The following GDF1 variants were observed in gnomAD, a reference collection of about 807,000 sequenced individuals.
GDF1 encodes the protein growth differentiation factor 1.
In GDF1, 8 loss-of-function variants were observed where a neutral mutation model predicts 7.4. The observed-to-expected ratio is 1.09, with a 90% CI of 0.64 to 1.96. The LOEUF is 1.96. GDF1 is among the 30% of genes most tolerant of loss of function. The pLI is 0.00. For synonymous variants in GDF1, 311 were observed against 276.7 expected, an observed-to-expected ratio of 1.12 and a Z score of -1.23; for missense variants, 574 against 551.5, an observed-to-expected ratio of 1.04 and a Z score of -0.41.
At chr19:18,889,279 T>C (rs79826566) in intron 2 of GDF1, among the ~76,000 whole-genome samples, 3,256 of 152,206 alleles carry the variant, frequency 0.021, 116 homozygotes, top group African/African-American at 0.074. Flanking sequence ...TCCAGAAACA[T>C]GTGAGCCCGA....
At chr19:18,879,132 C>A in intron 5 of GDF1, 93 bp from the exon 6 acceptor site, 13 of 1,585,894 alleles carry the variant, frequency 8.2e-6, no homozygotes, top group Non-Finnish European at 1.1e-5. Flanking sequence ...GCCCTCCACA[C>A]GGGCTGTCTG....
At chr19:18,874,296 T>G (rs2056024427) in intron 6 of GDF1, among the ~76,000 whole-genome samples, 2 of 152,026 alleles carry the variant, frequency 1.3e-5, no homozygotes, top group Admixed American at 6.6e-5. Context: ...GGTGCTGAAG[T>G]TCACAGTTTT....
intron 2 of GDF1, among the ~76,000 whole-genome samples, chr19:18,890,414 C>T (rs2056461429): frequency 6.6e-6 from 1 of 152,254 alleles, no homozygotes; most frequent in African/African-American, 2.4e-5. Context: ...TGTGTCTCAG[C>T]TGTGGCATAC....
At chr19:18,889,940 T>A (rs1315543583) in intron 2 of GDF1, among the ~76,000 whole-genome samples, 1 of 152,184 alleles carries the variant, frequency 6.6e-6, no homozygotes, top group African/African-American at 2.4e-5. Flanking sequence ...TTTCTAAAAT[T>A]GGCCACTTTG....
In GDF1 at chr19:18,884,255, C is replaced by T. The variant is rs1360456919; in HGVS notation, c.-901G>A. 5 of 1,612,296 alleles carry T rather than the reference C, an allele frequency of 3.1e-6. No homozygotes were observed. Among genetic ancestry groups the T allele is most frequent in the Middle Eastern group, 1.7e-4 (1 of 6,054 alleles). Reference sequence around the variant, plus strand: ...TGCAATGTCCCGTGGCACTGCCATGCCCGGCGTCCAGTCTGGGGAGAGCCA... The same window carrying T: ...TGCAATGTCCCGTGGCACTGCCATGTCCGGCGTCCAGTCTGGGGAGAGCCA... On this transcript the variant is annotated 5_prime_UTR_variant, in exon 3 of 8. Coordinates refer to ENST00000247005, the MANE Select transcript of GDF1 (RefSeq NM_001492.6).
chr19:18,872,949 C>T (rs554526044), intron 6 of GDF1, among the ~76,000 whole-genome samples: 3 of 152,326 alleles, frequency 2.0e-5, no homozygotes, highest in African/African-American at 7.2e-5. Context: ...CATGCCGGGC[C>T]GAGATGGCCT....
rs1260211767 is a variant in GDF1 at position 18,870,589 on chromosome 19, G to C, written c.-282C>G. 2 of 593,472 alleles carry C rather than the reference G, an allele frequency of 3.4e-6. No individual in the cohort carries two copies. Among genetic ancestry groups the C allele is most frequent in the African/African-American group, 3.9e-5 (2 of 51,090 alleles). 36.8% of individuals were successfully genotyped at this position (593,472 alleles called of 1,614,324 possible). The stretch of plus-strand genomic sequence containing the variant: ...GGGGCCGAGGGGTTCAGAAGCGCTT[G>C]TCCTTCACCAGGCCGTTCCTCAGTG... On this transcript the variant is annotated 5_prime_UTR_variant, in exon 7 of 8. Coordinates refer to ENST00000247005, the MANE Select transcript of GDF1 (RefSeq NM_001492.6). This position sits in a 1 kb window ranked among gnomAD's most constrained non-coding sequence, Gnocchi z 5.1.
chr19:18,880,135 T>A (rs973381893), intron 4 of GDF1, 139 bp downstream of exon 4: 37 of 612,694 alleles, frequency 6.0e-5, no homozygotes, highest in Non-Finnish European at 7.3e-5. Context: ...ACCCAAATCA[T>A]GAGGCCCCTC....
At chr19:18,877,960 A>T (rs945741265) in intron 6 of GDF1, 1 of 984,512 alleles carries the variant, frequency 1.0e-6, no homozygotes, top group African/African-American at 1.7e-5. Context: ...ACCCAAGGCG[A>T]ATCTGATGGG....
chr19:18,884,142 T>G lies in GDF1; in HGVS notation c.-788A>C, dbSNP rs1197537471. On this transcript the variant is annotated 5_prime_UTR_variant, in exon 3 of 8. An upstream start codon of the reference 5' UTR is lost. Coordinates refer to ENST00000247005, the MANE Select transcript of GDF1 (RefSeq NM_001492.6). ...AGAGTGACCACGTGGTGGAGCAGCA[T>G]GACCACCGAGTCCTTGCGCCAGGTG... The G allele has an allele frequency of 6.2e-7, 1 of 1,613,506 alleles. No individual in the cohort carries two copies. The highest frequency in any genetic ancestry group is 8.5e-7 in the Non-Finnish European group (1 of 1,179,810).
intron 1 of GDF1, among the ~76,000 whole-genome samples, chr19:18,894,411 G>C (rs533009066): frequency 6.6e-6 from 1 of 152,258 alleles, no homozygotes; most frequent in African/African-American, 2.4e-5. Context: ...TGGCAACCAG[G>C]CTGCTGCCAA....
chr19:18,880,281 A>G lies in GDF1; in HGVS notation c.-578T>C. 6.5e-7 allele frequency: 1 copy of G among 1,550,174 alleles called. No homozygotes were observed. Among genetic ancestry groups the G allele is most frequent in the Non-Finnish European group, 8.7e-7 (1 of 1,146,964 alleles). On this transcript the variant is annotated 5_prime_UTR_variant, in exon 4 of 8. Transcript: ENST00000247005. ...GCACTCCCTACCACTCACCAGCTGA[A>G]GCCGAAGCTGAGGCAGCCCAAGTCT...
intron 4 of GDF1, among the ~76,000 whole-genome samples, chr19:18,879,997 A>C (rs1411422526): frequency 7.0e-6 from 1 of 142,094 alleles, no homozygotes; most frequent in Non-Finnish European, 1.5e-5. Context: ...CTATCTCACC[A>C]GGCCCCTCCC....
At position 18,880,163 on chromosome 19, in the gene GDF1, CCCA is replaced by C. The variant is rs1273958590; in HGVS notation, c.-571+108_-571+110del. On this transcript the variant is annotated intron_variant, in intron 4 of 7. Coordinates refer to ENST00000247005, the MANE Select transcript of GDF1 (RefSeq NM_001492.6). ...GGCCCCTCCCCTGTCATGCCACACA[CCCA>C]CCTCACCGGGCCCCGCCTCCTTCCC... 26 of 1,131,026 alleles carry C rather than the reference CCCA, an allele frequency of 2.3e-5. No individual in the cohort carries two copies. In the Admixed American group the frequency reaches 5.7e-4, roughly 25 times the overall value. The allele number at this position is 1,131,026 out of a possible 1,614,324, so 70.1% of individuals were successfully genotyped here.
intron 3 of GDF1, among the ~76,000 whole-genome samples, chr19:18,882,809 C>A (rs564662823): frequency 9.9e-5 from 15 of 151,966 alleles, no homozygotes; most frequent in Non-Finnish European, 7.4e-5. Context: ...TCTCCTGTCT[C>A]AGCCTCCTGA....
At chr19:18,872,700 G>GT (rs368611543) in intron 6 of GDF1, among the ~76,000 whole-genome samples, 69,550 of 151,766 alleles carry the variant, frequency 0.46, 16,132 homozygotes, top group South Asian at 0.6. Flanking sequence ...ATTTTTAGTA[G>GT]AGATGCGGTT....
In GDF1 at chr19:18,895,920, C is replaced by A; in HGVS notation, c.-1170G>T. On this transcript the variant is annotated 5_prime_UTR_variant, in exon 1 of 8. Coordinates refer to ENST00000247005, the MANE Select transcript of GDF1 (RefSeq NM_001492.6). The surrounding 1 kb of genome is among the most constrained non-coding windows in gnomAD (Gnocchi z 6.4). ...GCTCGGGCGGCGCCAGGTGCGCGTGCTCAGCCAGGCCGCGACGCGCCAGCC... is the reference window on the plus strand; with the variant it reads ...GCTCGGGCGGCGCCAGGTGCGCGTGATCAGCCAGGCCGCGACGCGCCAGCC... 1 of 1,230,092 alleles carries A rather than the reference C, an allele frequency of 8.1e-7. No individual in the cohort carries two copies. 76.2% of individuals were successfully genotyped at this position (1,230,092 alleles called of 1,614,324 possible).
Position 18,870,208 on chromosome 19 carries a change from C to G in GDF1, c.100G>C (p.Gly34Arg). 6.4e-7 allele frequency: 1 copy of G among 1,558,954 alleles called. No homozygotes were observed. The highest frequency in any genetic ancestry group is 8.6e-7 in the Non-Finnish European group (1 of 1,158,624). ...LPLTRAPVPPGPAAALLQALG... is the reference protein window; with the variant it reads ...LPLTRAPVPPRPAAALLQALG... Reference sequence around the variant, plus strand: ...GCCTGGAGCAGGGCGGCGGCTGGGCCTGGGGGCACGGGGGCGCGGGTCAGG... The same window carrying G: ...GCCTGGAGCAGGGCGGCGGCTGGGCGTGGGGGCACGGGGGCGCGGGTCAGG... The change falls in exon 7 of 8, where the codon GGC becomes CGC. Residue 34 changes from glycine to arginine, a missense_variant. By Grantham distance (125) the Gly-to-Arg change is moderately radical. Coordinates refer to ENST00000247005, the MANE Select transcript of GDF1 (RefSeq NM_001492.6). This position sits in a 1 kb window ranked among gnomAD's most constrained non-coding sequence, Gnocchi z 5.1.
chr19:18,870,444 G>A lies in GDF1; in HGVS notation c.-137C>T. 2.2e-6 allele frequency: 2 copies of A among 907,838 alleles called. No homozygotes were observed. Among genetic ancestry groups the A allele is most frequent in the South Asian group, 3.1e-5 (2 of 65,114 alleles). The allele number at this position is 907,838 out of a possible 1,614,324, so 56.2% of individuals were successfully genotyped here. On this transcript the variant is annotated 5_prime_UTR_variant, in exon 7 of 8. Transcript: ENST00000247005. The surrounding 1 kb of genome is among the most constrained non-coding windows in gnomAD (Gnocchi z 5.1). ...CCGGGAACTGGAGGCAGGATGAGGG[G>A]GCGGGGTCCCAGGGGAGGTGGCGGC...
Sources: gnomAD v4.1 joint callset for allele counts (sites outside exome capture counted in the v4.1 genomes callset) on GRCh38, gnomAD v4.1.1 for gene constraint, Gnocchi (gnomAD v3.1) non-coding constraint, MANE v1.5 for transcripts, NCBI Gene and HGNC (gene_info 2026-07-23, HGNC 2026-07-21) for gene names.